Variants in COG6 observed in about 807,000 individuals in gnomAD.
COG6 encodes conserved oligomeric Golgi complex subunit 6.
In COG6, 74 loss-of-function variants were observed where a neutral mutation model predicts 88.8. The ratio of observed to expected loss-of-function variants is 0.83; its 90% CI spans 0.69 to 1.01. The LOEUF is 1.01. Among genes scored for constraint, COG6 ranks in the 50% least tolerant of loss-of-function variants. The pLI is 0.00. For missense variants in COG6, 800 were observed against 797.9 expected (o/e 1.00, Z -0.03); for synonymous variants, 286 against 278.7 (o/e 1.03, Z -0.26).
In COG6 at chr13:39,751,350, A is replaced by C; in HGVS notation, c.*257A>C. The C allele has an allele frequency of 7.0e-7, 1 of 1,435,938 alleles. No homozygotes were observed. The highest frequency in any genetic ancestry group is 3.1e-5 in the East Asian group (1 of 31,944). The allele number at this position is 1,435,938 out of a possible 1,614,324, so 88.9% of individuals were successfully genotyped here. ...TTGCTAGCCATCTCTCCAGCTCTGC[A>C]GTTTTCACTGTATTCAGGAAGCATA... is the stretch of plus-strand genomic sequence containing the variant. On this transcript the variant is annotated 3_prime_UTR_variant, in exon 19 of 19. Transcript: ENST00000455146.
chr13:39,770,241 G>A (rs1340735525), intron 18 of COG6, among the ~76,000 whole-genome samples: 2 of 152,140 alleles, frequency 1.3e-5, no homozygotes, highest in African/African-American at 4.8e-5. Flanking sequence ...GAATGCCACT[G>A]ACCTCAGCAC....
At chr13:39,749,114 A>G (rs1880491245) in intron 18 of COG6, among the ~76,000 whole-genome samples, 1 of 152,194 alleles carries the variant, frequency 6.6e-6, no homozygotes, top group Non-Finnish European at 1.5e-5. Context: ...TAATCTAGCT[A>G]GTCACAGTCA....
At chr13:39,690,450 T>C (rs1876921345) in intron 11 of COG6, among the ~76,000 whole-genome samples, 1 of 151,832 alleles carries the variant, frequency 6.6e-6, no homozygotes, top group South Asian at 2.1e-4. Flanking sequence ...GTAGATGAAG[T>C]ACATAGTTTA....
chr13:39,691,543 A>G (rs563712908), intron 11 of COG6, among the ~76,000 whole-genome samples: 3 of 152,074 alleles, frequency 2.0e-5, no homozygotes, highest in East Asian at 1.9e-4. Flanking sequence ...GATAATATGT[A>G]TTGCATCCAG....
chr13:39,768,820 C>G (rs1048865324), intron 18 of COG6, among the ~76,000 whole-genome samples: 3 of 152,072 alleles, frequency 2.0e-5, no homozygotes, highest in Admixed American at 6.5e-5. Context: ...TTCAAATACT[C>G]TTGCATCTGC....
At chr13:39,756,450 G>C (rs1234524679), downstream of COG6, among the ~76,000 whole-genome samples, 2 of 152,042 alleles carry the variant, frequency 1.3e-5, no homozygotes, top group Non-Finnish European at 2.9e-5. Context: ...AAGAGAAAGA[G>C]TCTGAAAGAA....
At chr13:39,757,309 C>T (rs1331220796), downstream of COG6, among the ~76,000 whole-genome samples, 1 of 152,080 alleles carries the variant, frequency 6.6e-6, no homozygotes, top group African/African-American at 2.4e-5. Flanking sequence ...CATACCAAAT[C>T]TTATGAAATG....
At chr13:39,698,713 G>A (rs1427152116) in intron 12 of COG6, among the ~76,000 whole-genome samples, 3 of 151,678 alleles carry the variant, frequency 2.0e-5, no homozygotes, top group Non-Finnish European at 4.4e-5. Context: ...ATGTTGTTAT[G>A]CCTTTAGAAA....
intron 13 of COG6, among the ~76,000 whole-genome samples, chr13:39,717,091 T>A (rs947858633): frequency 2.0e-5 from 3 of 152,176 alleles, no homozygotes; most frequent in African/African-American, 7.2e-5. Flanking sequence ...ATAGTTTTGC[T>A]GAATTTGAAA....
chr13:39,662,716 T>A (rs570818891), intron 3 of COG6, among the ~76,000 whole-genome samples: 1 of 152,314 alleles, frequency 6.6e-6, no homozygotes, highest in South Asian at 2.1e-4. Context: ...TGTTTACATT[T>A]GTTTTTGATC....
intron 13 of COG6, among the ~76,000 whole-genome samples, chr13:39,715,609 A>T (rs1214998553): frequency 6.6e-6 from 1 of 152,086 alleles, no homozygotes; most frequent in Non-Finnish European, 1.5e-5. Flanking sequence ...TATATTTCTT[A>T]TGTATATGCA....
chr13:39,694,597 T>C (rs752857923), intron 11 of COG6, 37 bp from the exon 12 acceptor site: 6 of 1,282,386 alleles, frequency 4.7e-6, no homozygotes, highest in Non-Finnish European at 6.8e-6. Flanking sequence ...GTTATACTTT[T>C]AAGAAATGTT....
At chr13:39,732,860 T>A (rs1216806571) in intron 18 of COG6, among the ~76,000 whole-genome samples, 1 of 152,076 alleles carries the variant, frequency 6.6e-6, no homozygotes, top group Non-Finnish European at 1.5e-5. Context: ...TTATGGCAAA[T>A]AGGAACCCTC....
At chr13:39,773,954 G>A (rs1180860141) in intron 18 of COG6, among the ~76,000 whole-genome samples, 1 of 151,546 alleles carries the variant, frequency 6.6e-6, no homozygotes, top group African/African-American at 2.4e-5. Context: ...TGTGAAGGTT[G>A]GCAGACGTTT....
At chr13:39,756,409 C>A (rs764187767), downstream of COG6, among the ~76,000 whole-genome samples, 8 of 151,816 alleles carry the variant, frequency 5.3e-5, no homozygotes, top group Non-Finnish European at 1.2e-4. Context: ...GCACCGTCAA[C>A]AATACACAAA....
intron 18 of COG6, among the ~76,000 whole-genome samples, chr13:39,780,581 C>G (rs981431747): frequency 6.6e-6 from 1 of 152,192 alleles, no homozygotes; most frequent in African/African-American, 2.4e-5. Flanking sequence ...TTTCAGCCAA[C>G]TTAATAGAAG....
intron 2 of COG6, among the ~76,000 whole-genome samples, chr13:39,660,303 C>T (rs754311230): frequency 1.3e-5 from 2 of 152,144 alleles, no homozygotes; most frequent in African/African-American, 2.4e-5. Flanking sequence ...TCACGCAATT[C>T]TCCCACCTCA....
chr13:39,723,054 G>GT (rs1287803060), intron 15 of COG6, among the ~76,000 whole-genome samples: 1 of 152,180 alleles, frequency 6.6e-6, no homozygotes, highest in Admixed American at 6.6e-5. Flanking sequence ...GTTTACTAGT[G>GT]TTTTTTGTTT....
At chr13:39,740,314 C>T (rs1347336151) in intron 18 of COG6, among the ~76,000 whole-genome samples, 1 of 152,152 alleles carries the variant, frequency 6.6e-6, no homozygotes, top group East Asian at 1.9e-4. Flanking sequence ...TGGTTTATCA[C>T]ATTAACCTCT....
Sources: gnomAD v4.1 joint callset for allele counts (sites outside exome capture counted in the v4.1 genomes callset) on GRCh38, gnomAD v4.1.1 for gene constraint, MANE v1.5 for transcripts, NCBI Gene and HGNC (gene_info 2026-07-23, HGNC 2026-07-21) for gene names.